Variants in FAM76A observed in about 807,000 individuals in gnomAD.
FAM76A encodes the protein family with sequence similarity 76 member A, also known as protein FAM76A.
FAM76A carries 32 observed loss-of-function variants against 46.2 expected under a neutral mutation model. The ratio of observed to expected loss-of-function variants is 0.69; its 90% CI spans 0.52 to 0.93. The LOEUF (loss-of-function observed/expected upper bound fraction) is 0.93, where lower values mean the gene tolerates loss of function less well. FAM76A is among the 40% of genes least tolerant of loss of function. FAM76A has a pLI of 0.00. For missense variants in FAM76A, 274 were observed against 361.5 expected, an observed-to-expected ratio of 0.76 and a Z score of 1.96; for synonymous variants, 137 against 127.0, an observed-to-expected ratio of 1.08 and a Z score of -0.53.
chr1:27,759,781 T>TTTTTTTTTTTTTG, intron 8 of FAM76A, 154 bp downstream of exon 8: 4 of 587,068 alleles, frequency 6.8e-6, no homozygotes, highest in African/African-American at 6.5e-5. Flanking sequence ...TTTTTTTTGT[T>TTTTTTTTTTTTTG]TTTTTTTTGA....
At chr1:27,743,595 C>G (rs2088191289) in intron 4 of FAM76A, among the ~76,000 whole-genome samples, 2 of 152,090 alleles carry the variant, frequency 1.3e-5, no homozygotes, top group African/African-American at 4.8e-5. Flanking sequence ...GAAACCCTGT[C>G]TCTACAAAAA....
At chr1:27,755,121 C>T in intron 6 of FAM76A, 74 bp from the exon 7 acceptor site, 1 of 1,553,354 alleles carries the variant, frequency 6.4e-7, no homozygotes, top group Non-Finnish European at 8.8e-7. Context: ...GACAAGTGGT[C>T]TAGGATGCAT....
chr1:27,760,255 TC>T (rs1287398260), intron 8 of FAM76A: 2 of 400,906 alleles, frequency 5.0e-6, no homozygotes, highest in African/African-American at 4.1e-5. Flanking sequence ...GCATAAAGCA[TC>T]CCTTTGTAAC....
chr1:27,754,893 A>T (rs1449192850), intron 6 of FAM76A, among the ~76,000 whole-genome samples: 1 of 152,184 alleles, frequency 6.6e-6, no homozygotes, highest in Non-Finnish European at 1.5e-5. Context: ...TCTTTAAGGA[A>T]CCTGAAACAG....
intron 4 of FAM76A, among the ~76,000 whole-genome samples, chr1:27,735,135 C>G (rs1389183981): frequency 6.6e-6 from 1 of 152,232 alleles, no homozygotes; most frequent in Non-Finnish European, 1.5e-5. Flanking sequence ...GGATCTCACT[C>G]CGACCTTTGC....
At chr1:27,732,697 G>A (rs184888823) in intron 3 of FAM76A, 40 bp downstream of exon 3, 26 of 1,519,714 alleles carry the variant, frequency 1.7e-5, no homozygotes, top group Middle Eastern at 3.5e-4. Context: ...GAGTACTAGG[G>A]TCTTGTGGAA....
intron 2 of FAM76A, among the ~76,000 whole-genome samples, chr1:27,729,473 G>C (rs2087919519): frequency 6.6e-6 from 1 of 151,342 alleles, no homozygotes; most frequent in Non-Finnish European, 1.5e-5. Flanking sequence ...GCCTCCCAAA[G>C]TGCTGGAATT....
chr1:27,727,522 G>C lies in FAM76A; in HGVS notation c.132G>C (p.Glu44Asp). 2 of 1,613,268 alleles carry C rather than the reference G, an allele frequency of 1.2e-6. No homozygotes were observed. The highest frequency in any genetic ancestry group is 1.7e-6 in the Non-Finnish European group (2 of 1,179,220). Residue 44 changes from glutamate to aspartate, a missense_variant, in exon 2 of 9, where the codon GAG (glutamate) becomes GAC (aspartate). By Grantham distance (45) the Glu-to-Asp change is conservative. Transcript: ENST00000373954. ...TGAAGTGCACCTACTGCAGGACTGA[G>C]TACCAGCAGGAGAGGTAGAGTTTTG... The part of the protein sequence containing the change: ...PVVKCTYCRT[E>D]YQQESKTNTI...
At chr1:27,748,997 C>A in intron 5 of FAM76A, 71 bp from the exon 6 acceptor site, 3 of 1,005,978 alleles carry the variant, frequency 3.0e-6, no homozygotes, top group African/African-American at 1.6e-5. Context: ...GTCTATTTGA[C>A]AGACTTTCAT....
At chr1:27,740,023 C>T in intron 4 of FAM76A, 1 of 361,444 alleles carries the variant, frequency 2.8e-6, no homozygotes, top group South Asian at 2.6e-5. Flanking sequence ...GGTCAAGTGC[C>T]TCCGTATTCT....
chr1:27,742,097 G>A (rs181305616), intron 4 of FAM76A, among the ~76,000 whole-genome samples: 1 of 152,218 alleles, frequency 6.6e-6, no homozygotes, highest in East Asian at 1.9e-4. Flanking sequence ...GGGATGGGGA[G>A]CAAAGAGGCT....
Position 27,759,780 on chromosome 1 carries a change from T to TTTTTTTTTTTTTG in FAM76A, c.837+162_837+163insTTTGTTTTTTTTT, listed in dbSNP as rs1491150258. 8.0e-4 allele frequency: 398 copies of TTTTTTTTTTTTTG among 499,604 alleles called. 14 individuals are homozygous for TTTTTTTTTTTTTG. The African/African-American group carries it at 0.011, about 13-fold the overall frequency. 30.9% of individuals were successfully genotyped at this position (499,604 alleles called of 1,614,324 possible). ...CCCCCTTTTAGGTTTTTTTTTTTTG[T>TTTTTTTTTTTTTG]TTTTTTTTTGAGACAGGTTCTCTGT... On this transcript the variant is annotated intron_variant, in intron 8 of 8. Coordinates refer to ENST00000373954, the MANE Select transcript of FAM76A (RefSeq NM_152660.3).
intron 4 of FAM76A, among the ~76,000 whole-genome samples, chr1:27,742,654 A>T (rs768243191): frequency 2.0e-5 from 3 of 152,202 alleles, no homozygotes; most frequent in Non-Finnish European, 2.9e-5. Context: ...AATAAGTTGA[A>T]GAGATCCATT....
intron 2 of FAM76A, chr1:27,730,159 G>T: frequency 5.0e-6 from 1 of 201,380 alleles, no homozygotes; most frequent in Non-Finnish European, 1.0e-5. Flanking sequence ...CATAGAGTTA[G>T]TTTTTCTTTT....
intron 4 of FAM76A, among the ~76,000 whole-genome samples, chr1:27,737,312 A>G (rs931908030): frequency 3.3e-5 from 5 of 152,182 alleles, no homozygotes; most frequent in African/African-American, 1.2e-4. Flanking sequence ...TTGTGGATCT[A>G]TGTGCAATTT....
intron 8 of FAM76A, 49 bp downstream of exon 8, chr1:27,759,676 T>C (rs2088470386): frequency 1.6e-6 from 2 of 1,217,272 alleles, no homozygotes; most frequent in Non-Finnish European, 2.4e-6. Flanking sequence ...ACCTACCTGG[T>C]ATACCTAGCT....
intron 3 of FAM76A, among the ~76,000 whole-genome samples, chr1:27,733,632 G>A (rs952801796): frequency 6.6e-6 from 1 of 151,940 alleles, no homozygotes; most frequent in Non-Finnish European, 1.5e-5. Flanking sequence ...CGGATCACCT[G>A]AGGTCAGGAG....
At chr1:27,733,823 C>A (rs901093911) in intron 3 of FAM76A, among the ~76,000 whole-genome samples, 2 of 151,876 alleles carry the variant, frequency 1.3e-5, no homozygotes, top group African/African-American at 4.8e-5. Flanking sequence ...GCACTCCAGC[C>A]TGGGCAACAG....
intron 4 of FAM76A, chr1:27,740,554 G>A: frequency 8.8e-7 from 1 of 1,139,614 alleles, no homozygotes; most frequent in Non-Finnish European, 1.3e-6. Flanking sequence ...TGAGGAGTGA[G>A]GACCCCAGAT....
Sources: gnomAD v4.1 joint callset for allele counts (sites outside exome capture counted in the v4.1 genomes callset) on GRCh38, gnomAD v4.1.1 for gene constraint, MANE v1.5 for transcripts, NCBI Gene and HGNC (gene_info 2026-07-23, HGNC 2026-07-21) for gene names.